The following PRKCZ variants were observed in gnomAD, a reference collection of about 807,000 sequenced individuals.
The protein encoded by PRKCZ is protein kinase C zeta type.
Under a neutral mutation model 79.5 loss-of-function variants are expected in PRKCZ, and 33 were observed. The observed-to-expected ratio is 0.41, with a 90% CI of 0.31 to 0.55. PRKCZ has a LOEUF of 0.55. Among genes scored for constraint, PRKCZ ranks in the 20% least tolerant of loss-of-function variants. The probability of loss-of-function intolerance (pLI) is 0.19; values close to 1 mark genes in which losing one functional copy is unlikely to be tolerated. For missense variants in PRKCZ, 578 were observed against 813.5 expected (o/e 0.71, Z 3.52); for synonymous variants, 342 against 320.9 (o/e 1.07, Z -0.70).
chr1:2,158,424 C>T (rs1036805499), intron 10 of PRKCZ, among the ~76,000 whole-genome samples: 8 of 152,240 alleles, frequency 5.3e-5, no homozygotes, highest in African/African-American at 1.4e-4. Flanking sequence ...AGCGTGGCGC[C>T]CTCGCCCGCA....
chr1:2,059,070 C>T (rs1413662856), intron 3 of PRKCZ, among the ~76,000 whole-genome samples: 2 of 152,152 alleles, frequency 1.3e-5, no homozygotes, highest in African/African-American at 4.8e-5. Context: ...GCTGGGATTG[C>T]AGGCGTGAGC....
rs989363842 is a variant in PRKCZ at position 2,113,432 on chromosome 1, C to T, written c.335-21830C>T. Among the ~76,000 whole-genome samples, 11 of 151,990 alleles carry T rather than the reference C, an allele frequency of 7.2e-5. No individual in the cohort carries two copies. In the East Asian group the frequency reaches 9.6e-4, roughly 13 times the overall value. ...ATCCGGGGCATTCATATTTTCTGCC[C>T]GAGTTCGCTCCTGACCCAGGGCAGG... On this transcript the variant is annotated intron_variant, in intron 4 of 17. Coordinates refer to ENST00000378567, the MANE Select transcript of PRKCZ (RefSeq NM_002744.6).
intron 4 of PRKCZ, among the ~76,000 whole-genome samples, chr1:2,118,548 A>G (rs1020297311): frequency 1.3e-5 from 2 of 150,178 alleles, no homozygotes; most frequent in Admixed American, 6.7e-5. Context: ...CGTGTTAGCC[A>G]GGATGGTCTC....
At chr1:2,136,698 A>T (rs1489243546) in intron 5 of PRKCZ, among the ~76,000 whole-genome samples, 1 of 152,074 alleles carries the variant, frequency 6.6e-6, no homozygotes, top group Non-Finnish European at 1.5e-5. Flanking sequence ...CACATTGGGA[A>T]TATCTGTGGA....
At chr1:2,055,706 G>C in intron 2 of PRKCZ, 144 bp downstream of exon 2, 3 of 1,226,162 alleles carry the variant, frequency 2.4e-6, no homozygotes, top group Non-Finnish European at 2.2e-6. Context: ...CTTTTCCCCA[G>C]TGGGGATGGT....
At chr1:2,147,200 G>T (rs1318833385) in intron 7 of PRKCZ, among the ~76,000 whole-genome samples, 1 of 149,130 alleles carries the variant, frequency 6.7e-6, no homozygotes, top group East Asian at 2.0e-4. Context: ...ACCGTCTATT[G>T]TCCACTGACC....
At chr1:2,113,217 T>TTTTTAATGTAAGG (rs1553151094) in intron 4 of PRKCZ, among the ~76,000 whole-genome samples, 2 of 152,230 alleles carry the variant, frequency 1.3e-5, no homozygotes. Flanking sequence ...ATGAGTATGT[T>TTTTTAATGTAAGG]TTTTAATGTA....
At chr1:2,077,059 A>G (rs1662558158) in intron 4 of PRKCZ, among the ~76,000 whole-genome samples, 1 of 152,168 alleles carries the variant, frequency 6.6e-6, no homozygotes, top group Non-Finnish European at 1.5e-5. Context: ...AGAGGATCAG[A>G]GTCAGGAGAG....
intron 5 of PRKCZ, among the ~76,000 whole-genome samples, chr1:2,136,921 G>A (rs1392959533): frequency 1.3e-5 from 2 of 152,180 alleles, no homozygotes; most frequent in Non-Finnish European, 2.9e-5. Context: ...TTCTCCAGAG[G>A]GATGGTACCA....
At chr1:2,107,442 A>G (rs1668781255) in intron 4 of PRKCZ, among the ~76,000 whole-genome samples, 1 of 152,184 alleles carries the variant, frequency 6.6e-6, no homozygotes, top group Non-Finnish European at 1.5e-5. Flanking sequence ...GGGCTGACTG[A>G]TGCATGTGGG....
chr1:2,113,730 G>C (rs999704679), intron 4 of PRKCZ, among the ~76,000 whole-genome samples: 3 of 152,178 alleles, frequency 2.0e-5, no homozygotes, highest in African/African-American at 7.2e-5. Flanking sequence ...CTGGGGGGTG[G>C]GTGAGAGTTG....
chr1:2,100,328 G>C (rs1667225706), intron 4 of PRKCZ, among the ~76,000 whole-genome samples: 1 of 152,240 alleles, frequency 6.6e-6, no homozygotes, highest in Non-Finnish European at 1.5e-5. Flanking sequence ...TTCACCGCCT[G>C]GCTAAGCGGA....
intron 16 of PRKCZ, among the ~76,000 whole-genome samples, chr1:2,176,172 C>G (rs552869323): frequency 2.0e-5 from 3 of 152,082 alleles, no homozygotes; most frequent in Admixed American, 6.5e-5. Context: ...CCCAGCTGGC[C>G]GTATGAGGTC....
chr1:2,100,774 G>C (rs1197510064), intron 4 of PRKCZ, among the ~76,000 whole-genome samples: 2 of 152,094 alleles, frequency 1.3e-5, no homozygotes, highest in Non-Finnish European at 2.9e-5. Context: ...GAGGCCTCGT[G>C]GGTTGGAGGA....
intron 10 of PRKCZ, among the ~76,000 whole-genome samples, chr1:2,166,558 C>T (rs771996128): frequency 6.6e-6 from 1 of 152,220 alleles, no homozygotes; most frequent in African/African-American, 2.4e-5. Context: ...ATCCCCAGCG[C>T]CTCCAGGCCA....
intron 2 of PRKCZ, chr1:2,055,778 C>T (rs749150859): frequency 6.3e-6 from 4 of 637,296 alleles, no homozygotes; most frequent in East Asian, 3.1e-5. Flanking sequence ...CTAGGAAGGG[C>T]TCTGGTCTTG....
chr1:2,181,435 C>T (rs1686592017), intron 16 of PRKCZ, among the ~76,000 whole-genome samples: 2 of 152,204 alleles, frequency 1.3e-5, no homozygotes, highest in Non-Finnish European at 1.5e-5. Flanking sequence ...ACTGCCACAG[C>T]GTCCGACCTG....
At chr1:2,096,990 G>A (rs1666639577) in intron 4 of PRKCZ, among the ~76,000 whole-genome samples, 2 of 152,232 alleles carry the variant, frequency 1.3e-5, no homozygotes, top group African/African-American at 2.4e-5. Flanking sequence ...TCACCCACGG[G>A]CACCAGTCCC....
intron 4 of PRKCZ, among the ~76,000 whole-genome samples, chr1:2,096,062 G>A (rs1486573429): frequency 6.6e-6 from 1 of 151,500 alleles, no homozygotes; most frequent in African/African-American, 2.4e-5. Context: ...GCCAGGCAGG[G>A]TCTCCTGCAG....
Sources: gnomAD v4.1 joint callset for allele counts (sites outside exome capture counted in the v4.1 genomes callset) on GRCh38, gnomAD v4.1.1 for gene constraint, MANE v1.5 for transcripts, NCBI Gene and HGNC (gene_info 2026-07-23, HGNC 2026-07-21) for gene names.